Variants in WWP2 observed in about 807,000 individuals in gnomAD.
The protein encoded by WWP2 is NEDD4-like E3 ubiquitin-protein ligase WWP2.
In WWP2, 57 loss-of-function variants were observed where a neutral mutation model predicts 121.0. The observed-to-expected ratio is 0.47, with a 90% CI of 0.38 to 0.59. The LOEUF (loss-of-function observed/expected upper bound fraction) is 0.59, where lower values mean the gene tolerates loss of function less well. Among genes scored for constraint, WWP2 ranks in the 20% least tolerant of loss-of-function variants. The pLI, the probability that WWP2 is intolerant of heterozygous loss-of-function variation, is 0.00. For missense variants in WWP2, 962 were observed against 1,158.9 expected (o/e 0.83, Z 2.47); for synonymous variants, 449 against 441.3 (o/e 1.02, Z -0.22).
chr16:69,837,212 A>G (rs1428375990), intron 4 of WWP2, among the ~76,000 whole-genome samples: 1 of 152,216 alleles, frequency 6.6e-6, no homozygotes, highest in Admixed American at 6.5e-5. Context: ...GGCATGAGCC[A>G]CTGAGCCTGG....
intron 1 of WWP2, among the ~76,000 whole-genome samples, chr16:69,770,905 G>A (rs2055400298): frequency 6.6e-6 from 1 of 151,630 alleles, no homozygotes; most frequent in Admixed American, 6.6e-5. Flanking sequence ...GGCAGAGGTA[G>A]GAGGATCGCT....
intron 4 of WWP2, among the ~76,000 whole-genome samples, chr16:69,822,358 G>A (rs760486697): frequency 6.6e-6 from 1 of 152,218 alleles, no homozygotes; most frequent in South Asian, 2.1e-4. Flanking sequence ...AGAGGCTGGC[G>A]CTGAAGTGGT....
In WWP2 at chr16:69,871,858, A is replaced by C. The variant is rs770208052; in HGVS notation, c.630A>C (p.Gln210His). The C allele has an allele frequency of 6.2e-7, 1 of 1,614,072 alleles. No homozygotes were observed. ...GAACAACCCCAGCAACCGGCGAGCA[A>C]AGCCCCGGTGCTCGGAGCCGGCACC... ...SARTTPATGE[Q>H]SPGARSRHRQ... Residue 210 changes from glutamine to histidine, a missense_variant, in exon 7 of 24, where the codon CAA becomes CAC. Physicochemically the swap from Gln to His is conservative, Grantham distance 24 (BLOSUM62 0). Coordinates refer to ENST00000359154, the MANE Select transcript of WWP2 (RefSeq NM_001270454.2).
At chr16:69,778,090 TAC>T (rs1555544372) in intron 1 of WWP2, among the ~76,000 whole-genome samples, 75 of 108,822 alleles carry the variant, frequency 6.9e-4, no homozygotes, top group Admixed American at 1.1e-3. Flanking sequence ...TATATATATA[TAC>T]ACACACACAC....
intron 9 of WWP2, among the ~76,000 whole-genome samples, chr16:69,914,514 T>C (rs1187406897): frequency 2.0e-5 from 3 of 152,104 alleles, no homozygotes; most frequent in Non-Finnish European, 4.4e-5. Flanking sequence ...TCCCAGCACT[T>C]TGGGGGGCCA....
At chr16:69,767,036 GTT>G (rs552760216) in intron 1 of WWP2, among the ~76,000 whole-genome samples, 1 of 137,870 alleles carries the variant, frequency 7.3e-6, no homozygotes, top group Admixed American at 7.3e-5. Context: ...TAGGGGTTTT[GTT>G]TTTTTTTTTT....
At chr16:69,820,065 T>C (rs929212612) in intron 4 of WWP2, among the ~76,000 whole-genome samples, 12 of 152,026 alleles carry the variant, frequency 7.9e-5, no homozygotes, top group Non-Finnish European at 1.6e-4. Context: ...AGTGAGACCC[T>C]CTACAAAAAA....
At chr16:69,908,927 C>G in intron 9 of WWP2, 77 bp downstream of exon 9, 2 of 1,607,446 alleles carry the variant, frequency 1.2e-6, no homozygotes, top group Non-Finnish European at 1.7e-6. Flanking sequence ...GAAACGGTCC[C>G]TTTCTGCGGA....
intron 10 of WWP2, among the ~76,000 whole-genome samples, chr16:69,918,760 T>C (rs952060203): frequency 6.6e-6 from 1 of 152,226 alleles, no homozygotes; most frequent in African/African-American, 2.4e-5. Flanking sequence ...CAAACGTTAC[T>C]GTCATTGCAT....
chr16:69,768,115 G>A (rs113400146), intron 1 of WWP2, among the ~76,000 whole-genome samples: 1 of 152,244 alleles, frequency 6.6e-6, no homozygotes, highest in African/African-American at 2.4e-5. Context: ...TGGGGTTACA[G>A]GTGTGAGCCA....
intron 6 of WWP2, among the ~76,000 whole-genome samples, chr16:69,862,492 C>T (rs1005364532): frequency 6.6e-6 from 1 of 151,860 alleles, no homozygotes; most frequent in Non-Finnish European, 1.5e-5. Context: ...CTCAGGCAAT[C>T]CAACCACCTC....
intron 2 of WWP2, among the ~76,000 whole-genome samples, chr16:69,794,646 C>A (rs1485317849): frequency 6.6e-6 from 1 of 152,218 alleles, no homozygotes; most frequent in Non-Finnish European, 1.5e-5. Context: ...TGTCCGATTT[C>A]TCTGTCATAA....
intron 13 of WWP2, 137 bp downstream of exon 13, chr16:69,930,395 G>A: frequency 7.3e-7 from 1 of 1,365,264 alleles, no homozygotes; most frequent in Non-Finnish European, 9.8e-7. Context: ...GGCCAATGTT[G>A]ATGTCATATT....
chr16:69,804,159 A>C (rs2056228750), intron 4 of WWP2, among the ~76,000 whole-genome samples: 1 of 151,996 alleles, frequency 6.6e-6, no homozygotes, highest in Admixed American at 6.6e-5. Context: ...TTGCATTCTA[A>C]CTTTGTATGT....
At chr16:69,826,409 T>C (rs958507330) in intron 4 of WWP2, among the ~76,000 whole-genome samples, 9 of 149,546 alleles carry the variant, frequency 6.0e-5, no homozygotes, top group African/African-American at 2.2e-4. Context: ...CTACTAAAAA[T>C]ACACACAAAA....
At chr16:69,906,669 G>A (rs1015938088) in intron 8 of WWP2, among the ~76,000 whole-genome samples, 6 of 152,172 alleles carry the variant, frequency 3.9e-5, no homozygotes, top group African/African-American at 1.4e-4. Flanking sequence ...AGGATTATTT[G>A]AGCCCAAGAG....
At chr16:69,929,303 G>A (rs117642783) in intron 11 of WWP2, 145 bp from the exon 12 acceptor site, 7,506 of 681,932 alleles carry the variant, frequency 0.011, 79 homozygotes, top group South Asian at 0.013. Context: ...GTGTGAGTGA[G>A]CTTGGCTTTG....
intron 14 of WWP2, 24 bp downstream of exon 14, chr16:69,931,251 C>T (rs747924293): frequency 2.9e-5 from 46 of 1,613,322 alleles, no homozygotes; most frequent in South Asian, 4.4e-5. Flanking sequence ...CTGGGGCTCC[C>T]GTGGCAGTTG....
intron 2 of WWP2, 72 bp downstream of exon 2, chr16:69,787,152 T>C (rs756301824): frequency 7.4e-7 from 1 of 1,358,144 alleles, no homozygotes; most frequent in Non-Finnish European, 1.0e-6. Context: ...CACACCTTGG[T>C]CTGGGGAGCC....
Sources: allele counts gnomAD v4.1 joint callset (sites outside exome capture counted in the v4.1 genomes callset), GRCh38; gene constraint gnomAD v4.1.1; transcripts MANE v1.5; gene names NCBI Gene and HGNC (gene_info 2026-07-23, HGNC 2026-07-21).